The following RAB38 variants were observed in gnomAD, a reference collection of about 807,000 sequenced individuals.
RAB38 encodes ras-related protein Rab-38.
A neutral mutation model predicts 18.4 loss-of-function variants in RAB38; 15 were observed. That is an observed-to-expected ratio of 0.82 (90% CI 0.55 to 1.26). The LOEUF (loss-of-function observed/expected upper bound fraction) is 1.26, where lower values mean the gene tolerates loss of function less well. Among genes scored for constraint, RAB38 ranks in the 50% most tolerant of loss-of-function variants. The probability of loss-of-function intolerance (pLI) is 0.00; values close to 1 mark genes in which losing one functional copy is unlikely to be tolerated. For synonymous variants in RAB38, 101 were observed against 104.4 expected, an observed-to-expected ratio of 0.97 and a Z score of 0.20; for missense variants, 294 against 267.4, an observed-to-expected ratio of 1.10 and a Z score of -0.69.
chr11:87,947,211 A>G, the RAB38 span, among the ~76,000 whole-genome samples: 8 of 148,086 alleles, frequency 5.4e-5, no homozygotes, highest in African/African-American at 1.3e-4. Context: ...GTCTGTTCAT[A>G]TCCTTCACCC....
chr11:87,809,821 T>A, the RAB38 span, among the ~76,000 whole-genome samples: 1 of 152,214 alleles, frequency 6.6e-6, no homozygotes, highest in Non-Finnish European at 1.5e-5. Flanking sequence ...TAAAATAACT[T>A]CAATTATAAT....
At chr11:87,827,291 T>C in the RAB38 span, among the ~76,000 whole-genome samples, 1 of 149,486 alleles carries the variant, frequency 6.7e-6, no homozygotes, top group Non-Finnish European at 1.5e-5. Context: ...TTTATTTTTA[T>C]TATTTTTTTT....
chr11:87,837,475 T>G, the RAB38 span, among the ~76,000 whole-genome samples: 1 of 152,204 alleles, frequency 6.6e-6, no homozygotes, highest in African/African-American at 2.4e-5. Flanking sequence ...TCTAAGCTTC[T>G]AGACCTTCAT....
At chr11:88,096,867 C>T in the RAB38 span, among the ~76,000 whole-genome samples, 27 of 151,660 alleles carry the variant, frequency 1.8e-4, no homozygotes, top group African/African-American at 6.0e-4. Context: ...AAAATGTCAA[C>T]AGAGTAAATA....
At chr11:88,151,181 A>T (rs36011817) in intron 1 of RAB38, among the ~76,000 whole-genome samples, 7,318 of 152,284 alleles carry the variant, frequency 0.048, 249 homozygotes, top group Middle Eastern at 0.085. Flanking sequence ...AATTGGCAAT[A>T]ATAATATGTA....
At chr11:87,977,858 T>A in the RAB38 span, among the ~76,000 whole-genome samples, 1 of 112,696 alleles carries the variant, frequency 8.9e-6, no homozygotes, top group Non-Finnish European at 1.7e-5. Flanking sequence ...TGGATAGTAA[T>A]ATACTTACAA....
chr11:87,970,333 C>T, the RAB38 span, among the ~76,000 whole-genome samples: 1 of 152,056 alleles, frequency 6.6e-6, no homozygotes, highest in African/African-American at 2.4e-5. Context: ...CACTCACCTC[C>T]CCCCAATCTT....
At chr11:88,032,680 C>T in the RAB38 span, among the ~76,000 whole-genome samples, 1 of 152,170 alleles carries the variant, frequency 6.6e-6, no homozygotes, top group Non-Finnish European at 1.5e-5. Context: ...CAATGAGATA[C>T]CATCTCACAC....
the RAB38 span, among the ~76,000 whole-genome samples, chr11:88,028,362 G>C: frequency 6.6e-6 from 1 of 152,170 alleles, no homozygotes; most frequent in African/African-American, 2.4e-5. Context: ...ACCAGAAACG[G>C]AACAAAGCTG....
chr11:88,109,958 G>T (rs563216990), downstream of RAB38, among the ~76,000 whole-genome samples: 1 of 152,284 alleles, frequency 6.6e-6, no homozygotes, highest in Non-Finnish European at 1.5e-5. Context: ...ACGACAGTGT[G>T]GTGATTCTTC....
the RAB38 span, among the ~76,000 whole-genome samples, chr11:87,935,081 A>G: frequency 0.097 from 14,719 of 152,114 alleles, 894 homozygotes; most frequent in African/African-American, 0.16. Context: ...CTTGTCTTCC[A>G]GTCTCCTTCA....
intron 1 of RAB38, among the ~76,000 whole-genome samples, chr11:88,172,572 C>T (rs1256688406): frequency 2.0e-5 from 3 of 152,210 alleles, no homozygotes; most frequent in African/African-American, 7.2e-5. Flanking sequence ...GCCCACTAAC[C>T]TCCACTACCT....
the RAB38 span, among the ~76,000 whole-genome samples, chr11:88,055,713 G>T: frequency 6.6e-6 from 1 of 152,178 alleles, no homozygotes; most frequent in Non-Finnish European, 1.5e-5. Flanking sequence ...AAAGGATTGT[G>T]TGGAATAAGA....
At chr11:87,951,140 C>A in the RAB38 span, among the ~76,000 whole-genome samples, 1 of 152,176 alleles carries the variant, frequency 6.6e-6, no homozygotes, top group African/African-American at 2.4e-5. Flanking sequence ...TTCATTTCAT[C>A]TTCCATCACT....
the RAB38 span, among the ~76,000 whole-genome samples, chr11:87,960,076 T>G: frequency 6.6e-6 from 1 of 152,072 alleles, no homozygotes; most frequent in Non-Finnish European, 1.5e-5. Context: ...AGCCTATGAG[T>G]GTCAAAGCTG....
At chr11:87,950,313 C>A in the RAB38 span, among the ~76,000 whole-genome samples, 12 of 152,136 alleles carry the variant, frequency 7.9e-5, no homozygotes, top group Non-Finnish European at 1.6e-4. Context: ...CTGAATACAG[C>A]ACACTGATGG....
At chr11:88,156,080 T>A (rs566265158) in intron 1 of RAB38, among the ~76,000 whole-genome samples, 199 of 152,004 alleles carry the variant, frequency 1.3e-3, no homozygotes, top group African/African-American at 4.7e-3. Context: ...AGAAGAAAAA[T>A]TTAAAAACCT....
chr11:87,924,485 C>T, the RAB38 span, among the ~76,000 whole-genome samples: 1 of 151,370 alleles, frequency 6.6e-6, no homozygotes, highest in Non-Finnish European at 1.5e-5. Flanking sequence ...TAACTGGTGA[C>T]CTTTTTTCTG....
the RAB38 span, among the ~76,000 whole-genome samples, chr11:88,041,481 T>A: frequency 3.3e-5 from 5 of 152,364 alleles, no homozygotes; most frequent in South Asian, 1.0e-3. Flanking sequence ...CCCAAACGAT[T>A]CAGAGTTTTA....
Sources: gnomAD v4.1 joint callset for allele counts (sites outside exome capture counted in the v4.1 genomes callset) on GRCh38, gnomAD v4.1.1 for gene constraint, MANE v1.5 for transcripts, NCBI Gene and HGNC (gene_info 2026-07-23, HGNC 2026-07-21) for gene names.